Variants in HMCN2 observed in about 807,000 individuals in gnomAD.
HMCN2 encodes the protein hemicentin-2.
In HMCN2, 325 loss-of-function variants were observed where a neutral mutation model predicts 377.5. The ratio of observed to expected loss-of-function variants is 0.86; its 90% CI spans 0.79 to 0.94. The LOEUF is 0.94. Among genes scored for constraint, HMCN2 ranks in the 40% least tolerant of loss-of-function variants. The pLI is 0.00. For synonymous variants in HMCN2, 2,007 were observed against 2,046.8 expected (o/e 0.98, Z 0.53); for missense variants, 4,543 against 4,725.3 (o/e 0.96, Z 1.13).
intron 89 of HMCN2, among the ~76,000 whole-genome samples, 168 bp from the exon 90 acceptor site, chr9:130,425,519 A>G (rs1844283769): frequency 6.6e-6 from 1 of 151,526 alleles, no homozygotes; most frequent in African/African-American, 2.4e-5. Context: ...TCTCTTCCCA[A>G]GGCTCACCCC....
In HMCN2 at chr9:130,352,430, C is replaced by A. The variant is rs1042006425; in HGVS notation, c.4586-497C>A. Among the ~76,000 whole-genome samples, 5 of 152,224 alleles carry A rather than the reference C, an allele frequency of 3.3e-5. 1 individual carries two copies. In the South Asian group the frequency reaches 1.0e-3, roughly 32 times the overall value. On this transcript the variant is annotated intron_variant, in intron 30 of 97. Transcript: ENST00000683500. The stretch of plus-strand genomic sequence containing the variant: ...TAGGGACATGCATAGTAGCACCAAA[C>A]GGAGCCTTTCCTTGCTGTAACCCGG...
intron 73 of HMCN2, among the ~76,000 whole-genome samples, 194 bp downstream of exon 73, chr9:130,396,507 A>G (rs72761288): frequency 0.033 from 5,050 of 152,242 alleles, 122 homozygotes; most frequent in South Asian, 0.085. Flanking sequence ...GCCTTGATAG[A>G]TGGGGCGGGG....
chr9:130,392,256 C>T (rs1842357784), intron 66 of HMCN2, 138 bp downstream of exon 66: 2 of 562,442 alleles, frequency 3.6e-6, no homozygotes. Flanking sequence ...GGACTGCGCC[C>T]CAGATGCTAA....
chr9:130,375,560 C>T lies in HMCN2; in HGVS notation c.7631-3C>T. 1 of 985,928 alleles carries T rather than the reference C, an allele frequency of 1.0e-6. No individual in the cohort carries two copies. Among genetic ancestry groups the T allele is most frequent in the Non-Finnish European group, 1.2e-6 (1 of 829,970 alleles). The allele number at this position is 985,928 out of a possible 1,614,324, so 61.1% of individuals were successfully genotyped here. A position where few individuals can be genotyped will look rare whatever the true frequency, so the allele number is the denominator to read the frequency against. On this transcript the variant is annotated splice_region_variant and splice_polypyrimidine_tract_variant and intron_variant, in intron 49 of 97. Coordinates refer to ENST00000683500, the MANE Select transcript of HMCN2 (RefSeq NM_001291815.2). ...TAACTGCCTCCCTGGCCCCCCATCA[C>T]AGTGGCTCCCACCATCCTGGGAGGG... is the stretch of plus-strand genomic sequence containing the variant.
At position 130,335,828 on chromosome 9, in the gene HMCN2, C is replaced by T. The variant is rs973275969; in HGVS notation, c.3360-2066C>T. Among the ~76,000 whole-genome samples the T allele has an allele frequency of 4.4e-4, 67 of 152,258 alleles. 1 individual carries two copies. Among genetic ancestry groups the T allele is most frequent in the African/African-American group, 1.3e-3 (56 of 41,552 alleles). ...CATGCTGCTTCTTGGGGAAGGGGCA[C>T]GTCTTCATGTCCTCAGGCAGTGGTT... On this transcript the variant is annotated intron_variant, in intron 22 of 97. Coordinates refer to ENST00000683500, the MANE Select transcript of HMCN2 (RefSeq NM_001291815.2).
At chr9:130,300,911 C>T (rs1836469568) in intron 8 of HMCN2, among the ~76,000 whole-genome samples, 2 of 152,262 alleles carry the variant, frequency 1.3e-5, no homozygotes, top group African/African-American at 4.8e-5. Context: ...TTGCTGGCTT[C>T]ATTGCCTTTC....
chr9:130,295,037 C>T lies in HMCN2; in HGVS notation c.784+11C>T, dbSNP rs1420852009. The T allele has an allele frequency of 8.8e-6, 4 of 453,312 alleles. No homozygotes were observed. Among genetic ancestry groups the T allele is most frequent in the Admixed American group, 7.3e-5 (3 of 40,950 alleles). The allele number at this position is 453,312 out of a possible 1,614,324, so 28.1% of individuals were successfully genotyped here. On this transcript the variant is annotated intron_variant, in intron 5 of 97. Coordinates refer to ENST00000683500, the MANE Select transcript of HMCN2 (RefSeq NM_001291815.2). ...TCCAAGATCCGCTGGGTATGGACCACCCCGGGGCTGGCCTCCTCTTTGGCC... is the reference window on the plus strand; with the variant it reads ...TCCAAGATCCGCTGGGTATGGACCATCCCGGGGCTGGCCTCCTCTTTGGCC...
At position 130,393,812 on chromosome 9, in the gene HMCN2, C is replaced by G. The variant is rs1430098430; in HGVS notation, c.10305C>G (p.Leu3435=). Residue 3435 remains leucine, a synonymous_variant, in exon 68 of 98, where the codon CTC becomes CTG. Transcript: ENST00000683500. This position sits in a 1 kb window ranked among gnomAD's most constrained non-coding sequence, Gnocchi z 5.2. ...TGGTTCGTGGCTCCCTGGTGGAACT[C>G]CCGTGCGAGGCCCGGGGCGTTCCCC... is the stretch of plus-strand genomic sequence containing the variant. ...VVVVRGSLVE[L]PCEARGVPLP... is the part of the protein sequence containing the mutation. The G allele has an allele frequency of 1.5e-5, 19 of 1,287,742 alleles. No individual in the cohort carries two copies. Among genetic ancestry groups the G allele is most frequent in the Non-Finnish European group, 1.7e-5 (17 of 987,928 alleles). The allele number at this position is 1,287,742 out of a possible 1,614,324, so 79.8% of individuals were successfully genotyped here.
At chr9:130,325,096 C>CTTCTTT (rs1554943189) in intron 19 of HMCN2, among the ~76,000 whole-genome samples, 19 of 128,084 alleles carry the variant, frequency 1.5e-4, no homozygotes, top group South Asian at 1.2e-3. Flanking sequence ...TCTTCTTCTT[C>CTTCTTT]TTTTTTTTTT....
intron 22 of HMCN2, among the ~76,000 whole-genome samples, chr9:130,331,817 C>T (rs1444562901): frequency 3.3e-5 from 5 of 152,146 alleles, no homozygotes; most frequent in Non-Finnish European, 7.4e-5. Flanking sequence ...CTGTGGCTCC[C>T]GGAGGCAGCC....
rs934292121 is a variant in HMCN2 at position 130,375,588 on chromosome 9, C to T, written c.7656C>T (p.Ala2552=). ...VLLAPTILGG[A]EDSADEEVTV... ...TGGCTCCCACCATCCTGGGAGGGGC[C>T]GAGGACAGTGCAGATGAGGAGGTGA... The change falls in exon 50 of 98, where the codon GCC becomes GCT. Residue 2552 remains alanine, a synonymous_variant. Coordinates refer to ENST00000683500, the MANE Select transcript of HMCN2 (RefSeq NM_001291815.2). 51 of 985,846 alleles carry T rather than the reference C, an allele frequency of 5.2e-5. No homozygotes were observed. The highest frequency in any genetic ancestry group is 3.8e-4 in the South Asian group (8 of 21,288). 61.1% of individuals were successfully genotyped at this position (985,846 alleles called of 1,614,324 possible).
chr9:130,352,824 T>C (rs1839806118), intron 30 of HMCN2, 103 bp from the exon 31 acceptor site: 1 of 968,780 alleles, frequency 1.0e-6, no homozygotes, highest in Non-Finnish European at 1.4e-6. Context: ...AATGGAAGCC[T>C]GTGGTGTGTC....
chr9:130,356,327 G>C lies in HMCN2; in HGVS notation c.5425+70G>C. On this transcript the variant is annotated intron_variant, in intron 34 of 97. Transcript: ENST00000683500. ...GCCAGGGGTGGGTGGAGCCTGGGCTGTGGCAGGCCTGGAAGGGCACGGGGC... is the reference window on the plus strand; with the variant it reads ...GCCAGGGGTGGGTGGAGCCTGGGCTCTGGCAGGCCTGGAAGGGCACGGGGC... 3 of 1,224,024 alleles carry C rather than the reference G, an allele frequency of 2.5e-6. No homozygotes were observed. In the South Asian group the frequency reaches 4.3e-5, roughly 17 times the overall value. The allele number at this position is 1,224,024 out of a possible 1,614,324, so 75.8% of individuals were successfully genotyped here.
In HMCN2 at chr9:130,351,330, C is replaced by A; in HGVS notation, c.4431-93C>A. ...TCTTGGCGCTAATGAATGGCCCAGC[C>A]TCGCTTTTTACAAGCCACACACTCC... On this transcript the variant is annotated intron_variant, in intron 29 of 97. Coordinates refer to ENST00000683500, the MANE Select transcript of HMCN2 (RefSeq NM_001291815.2). The surrounding 1 kb of genome is among the most constrained non-coding windows in gnomAD (Gnocchi z 5.4). 5.8e-6 allele frequency: 6 copies of A among 1,042,210 alleles called. No individual in the cohort carries two copies. The highest frequency in any genetic ancestry group is 7.6e-6 in the Non-Finnish European group (6 of 794,334). The allele number at this position is 1,042,210 out of a possible 1,614,324, so 64.6% of individuals were successfully genotyped here. A position where few individuals can be genotyped will look rare whatever the true frequency, so the allele number is the denominator to read the frequency against.
intron 1 of HMCN2, among the ~76,000 whole-genome samples, chr9:130,282,878 C>A (rs1835201329): frequency 6.6e-6 from 1 of 152,082 alleles, no homozygotes. Context: ...CAAGACCAGC[C>A]TGGCCAACAT....
chr9:130,411,596 C>T (rs1164919461), intron 85 of HMCN2, among the ~76,000 whole-genome samples: 4 of 63,452 alleles, frequency 6.3e-5, no homozygotes. Flanking sequence ...AAGACTCAAT[C>T]TCAAAAAAAA....
Position 130,394,490 on chromosome 9 carries a change from T to A in HMCN2, c.10607T>A (p.Ile3536Asn), listed in dbSNP as rs1283834214. The A allele has an allele frequency of 1.6e-6, 2 of 1,289,732 alleles. No individual in the cohort carries two copies. The highest frequency in any genetic ancestry group is 1.0e-6 in the Non-Finnish European group (1 of 988,838). 79.9% of individuals were successfully genotyped at this position (1,289,732 alleles called of 1,614,324 possible). The part of the protein sequence containing the change: ...CDAQGTPQPN[I>N]TWHKDGQALT... ...GCCCAGGGCACCCCCCAGCCCAACATCACCTGGCATAAGGACGGGCAGGCC... is the reference window on the plus strand; with the variant it reads ...GCCCAGGGCACCCCCCAGCCCAACAACACCTGGCATAAGGACGGGCAGGCC... The change falls in exon 69 of 98, where the codon ATC becomes AAC. Residue 3536 changes from isoleucine (I) to asparagine (N), a missense_variant. Transcript: ENST00000683500. This position sits in a 1 kb window ranked among gnomAD's most constrained non-coding sequence, Gnocchi z 5.1.
At chr9:130,385,532 A>G (rs947981562) in intron 59 of HMCN2, 28 bp from the exon 60 acceptor site, 1 of 1,288,580 alleles carries the variant, frequency 7.8e-7, no homozygotes. Flanking sequence ...CAGCTGCAGC[A>G]CCTCACTCTG....
At chr9:130,348,807 G>A in intron 27 of HMCN2, 132 bp downstream of exon 27, 5 of 1,236,752 alleles carry the variant, frequency 4.0e-6, no homozygotes, top group African/African-American at 1.5e-5. Context: ...GTGCTCTGGG[G>A]TTCACGGCAG....
Sources: allele counts gnomAD v4.1 joint callset (sites outside exome capture counted in the v4.1 genomes callset), GRCh38; gene constraint gnomAD v4.1.1; non-coding constraint Gnocchi (gnomAD v3.1); transcripts MANE v1.5; gene names NCBI Gene and HGNC (gene_info 2026-07-23, HGNC 2026-07-21).